Variants in VPS13C observed in about 807,000 individuals in gnomAD.
The protein encoded by VPS13C is intermembrane lipid transfer protein VPS13C.
A neutral mutation model predicts 456.8 loss-of-function variants in VPS13C; 358 were observed. The observed-to-expected ratio is 0.78, with a 90% CI of 0.72 to 0.86. VPS13C has a LOEUF of 0.86. Ranked by LOEUF, VPS13C falls within the 40% of genes least tolerant of loss-of-function variation. The pLI is 0.00. For synonymous variants in VPS13C, 1,578 were observed against 1,486.7 expected (o/e 1.06, Z -1.41); for missense variants, 4,818 against 4,385.4 (o/e 1.10, Z -2.79).
At chr15:61,982,650 A>C in intron 20 of VPS13C, 77 bp from the exon 21 acceptor site, 1 of 950,982 alleles carries the variant, frequency 1.1e-6, no homozygotes, top group Non-Finnish European at 1.6e-6. Flanking sequence ...TTTCACCTCA[A>C]TTCTAAACAG....
intron 37 of VPS13C, among the ~76,000 whole-genome samples, chr15:61,955,119 C>T (rs758943042): frequency 6.6e-6 from 1 of 152,100 alleles, no homozygotes; most frequent in Non-Finnish European, 1.5e-5. Context: ...GAAATTCGTA[C>T]ACCCTGAAAT....
chr15:61,973,468 T>C lies in VPS13C; in HGVS notation c.2603A>G (p.Asp868Gly). ...KGLLGTSLLLDTVESESDDEY... is the reference protein window; with the variant it reads ...KGLLGTSLLLGTVESESDDEY... ...ACTTTCCTTACCTGATTCCACAGTG[T>C]CTAGCAATAGTGAAGTACCAAGTAG... Residue 868 changes from aspartate (D) to glycine (G), a missense_variant, in exon 26 of 85, where the codon GAC becomes GGC. Asp to Gly is a moderately conservative substitution (Grantham distance 94). Around this residue, in one of 3 missense-constraint regions of VPS13C, gnomAD observed 4,552 missense variants for 4,130.6 expected, o/e 1.10. Transcript: ENST00000644861. 2 of 1,611,654 alleles carry C rather than the reference T, an allele frequency of 1.2e-6. No individual in the cohort carries two copies. The highest frequency in any genetic ancestry group is 1.7e-6 in the Non-Finnish European group (2 of 1,178,012).
Position 61,871,882 on chromosome 15 carries a change from G to A in VPS13C, c.10624+107C>T, listed in dbSNP as rs971206085. 1.5e-5 allele frequency: 14 copies of A among 947,080 alleles called. No individual in the cohort carries two copies. In the African/African-American group the frequency reaches 2.0e-4, roughly 14 times the overall value. 58.7% of individuals were successfully genotyped at this position (947,080 alleles called of 1,614,324 possible). On this transcript the variant is annotated intron_variant, in intron 79 of 84. Transcript: ENST00000644861. ...CTTAAGGCTACGAATATAAAATTCA[G>A]TCAGTAATTTTCTCAATCAAGTATA... is the stretch of plus-strand genomic sequence containing the variant.
intron 52 of VPS13C, among the ~76,000 whole-genome samples, chr15:61,925,918 G>C (rs1032191051): frequency 1.3e-5 from 2 of 152,150 alleles, no homozygotes; most frequent in African/African-American, 4.8e-5. Context: ...TGGTAAGGTA[G>C]GTAAGTAAAC....
At chr15:61,881,974 T>A in intron 69 of VPS13C, 146 bp from the exon 70 acceptor site, 1 of 733,570 alleles carries the variant, frequency 1.4e-6, no homozygotes, top group Non-Finnish European at 2.2e-6. Context: ...TCATTTTAAA[T>A]CTGTAAAAGT....
intron 35 of VPS13C, among the ~76,000 whole-genome samples, chr15:61,960,780 A>G (rs1178238927): frequency 1.3e-5 from 2 of 152,196 alleles, no homozygotes; most frequent in African/African-American, 4.8e-5. Flanking sequence ...AGTTGATTAA[A>G]AAACTGTTCT....
At chr15:61,870,673 G>A (rs1391805857) in intron 79 of VPS13C, among the ~76,000 whole-genome samples, 1 of 152,130 alleles carries the variant, frequency 6.6e-6, no homozygotes, top group Non-Finnish European at 1.5e-5. Flanking sequence ...GACACATGGT[G>A]ACTCTGTGTT....
At chr15:62,058,717 G>C (rs1444746354) in intron 1 of VPS13C, among the ~76,000 whole-genome samples, 1 of 152,096 alleles carries the variant, frequency 6.6e-6, no homozygotes, top group African/African-American at 2.4e-5. Flanking sequence ...GTATTGTTGG[G>C]CAAACCACAG....
At chr15:61,914,072 T>A (rs538004207) in intron 61 of VPS13C, among the ~76,000 whole-genome samples, 39 of 152,288 alleles carry the variant, frequency 2.6e-4, no homozygotes, top group African/African-American at 9.1e-4. Flanking sequence ...TAATCTCACC[T>A]TCACCCACCC....
At chr15:61,891,432 G>C (rs184661417) in intron 66 of VPS13C, among the ~76,000 whole-genome samples, 2 of 152,214 alleles carry the variant, frequency 1.3e-5, no homozygotes, top group Non-Finnish European at 1.5e-5. Flanking sequence ...AAAGATGCCT[G>C]CCCAATTTTT....
rs1311190650 is a variant in VPS13C at position 61,983,821 on chromosome 15, G to A, written c.1913C>T (p.Ala638Val). Residue 638 changes from alanine (A) to valine (V), a missense_variant and splice_region_variant, in exon 20 of 85, where the codon GCT becomes GTT. This residue lies in a region of VPS13C where 4,552 missense variants were observed against 4,130.6 expected (regional missense o/e 1.10). Coordinates refer to ENST00000644861, the MANE Select transcript of VPS13C (RefSeq NM_020821.3). Reference sequence around the variant, plus strand: ...GAGTTACTTTCTCCTTGCACTTACAGCATCATAGATGACCTCCACAGGCTG... The same window carrying A: ...GAGTTACTTTCTCCTTGCACTTACAACATCATAGATGACCTCCACAGGCTG... ...QSQPVEVIYD[A>V]KTVNAVVEFF... The A allele has an allele frequency of 3.1e-6, 5 of 1,613,450 alleles. No individual in the cohort carries two copies. Among genetic ancestry groups the A allele is most frequent in the South Asian group, 1.1e-5 (1 of 90,746 alleles).
At chr15:62,003,156 G>T (rs1225126512) in intron 15 of VPS13C, among the ~76,000 whole-genome samples, 1 of 152,012 alleles carries the variant, frequency 6.6e-6, no homozygotes, top group Non-Finnish European at 1.5e-5. Context: ...CATGAGCATG[G>T]AATGTTCTTC....
chr15:61,911,525 T>C (rs1341552629), intron 63 of VPS13C, among the ~76,000 whole-genome samples: 1 of 152,200 alleles, frequency 6.6e-6, no homozygotes, highest in African/African-American at 2.4e-5. Context: ...TTCTTGAATA[T>C]AGAGACATTA....
chr15:61,956,077 G>A (rs2044985581), intron 37 of VPS13C, among the ~76,000 whole-genome samples: 1 of 152,084 alleles, frequency 6.6e-6, no homozygotes, highest in Non-Finnish European at 1.5e-5. Context: ...AATCAACCTA[G>A]ATGCCCACTG....
intron 3 of VPS13C, among the ~76,000 whole-genome samples, chr15:62,037,783 A>G (rs1309272264): frequency 6.6e-6 from 1 of 152,040 alleles, no homozygotes; most frequent in Non-Finnish European, 1.5e-5. Context: ...ATACTTCTAG[A>G]GCACTGCTAC....
At chr15:61,879,311 A>C (rs1226574687) in intron 73 of VPS13C, 2 of 152,146 alleles carry the variant, frequency 1.3e-5, no homozygotes, top group Non-Finnish European at 2.9e-5. Flanking sequence ...TGTGTAAATA[A>C]AGTAGATGAA....
chr15:61,973,681 C>T (rs2045622242), intron 25 of VPS13C, 149 bp from the exon 26 acceptor site: 1 of 594,132 alleles, frequency 1.7e-6, no homozygotes, highest in South Asian at 2.2e-5. Context: ...AATCTTCCAA[C>T]AAGATATATT....
intron 83 of VPS13C, 93 bp from the exon 84 acceptor site, chr15:61,855,047 C>A: frequency 9.9e-7 from 1 of 1,013,072 alleles, no homozygotes. Context: ...TCAACTCTAT[C>A]TTATAACAAG....
At chr15:62,012,228 A>C in intron 11 of VPS13C, 64 bp from the exon 12 acceptor site, 1 of 498,486 alleles carries the variant, frequency 2.0e-6, no homozygotes, top group Non-Finnish European at 3.3e-6. Context: ...TCAGACACAC[A>C]CACACACACA....
Sources: gnomAD v4.1 joint callset for allele counts (sites outside exome capture counted in the v4.1 genomes callset) on GRCh38, gnomAD v4.1.1 for gene constraint, gnomAD v4.1.1 regional missense constraint, MANE v1.5 for transcripts, NCBI Gene and HGNC (gene_info 2026-07-23, HGNC 2026-07-21) for gene names.